Variants in HIVEP1 observed in about 807,000 individuals in gnomAD.
HIVEP1 encodes the protein zinc finger protein 40.
Under a neutral mutation model 180.0 loss-of-function variants are expected in HIVEP1, and 36 were observed. The ratio of observed to expected loss-of-function variants is 0.20; its 90% confidence interval spans 0.15 to 0.26. HIVEP1 has a LOEUF of 0.26. Among genes scored for constraint, HIVEP1 ranks in the 10% least tolerant of loss-of-function variants. The probability of loss-of-function intolerance (pLI) is 1.00; values close to 1 mark genes in which losing one functional copy is unlikely to be tolerated. For synonymous variants in HIVEP1, 1,239 were observed against 1,239.0 expected (o/e 1.00, Z 0.00); for missense variants, 3,143 against 3,268.7 (o/e 0.96, Z 0.94).
At chr6:12,067,405 AG>A (rs1408216047) in intron 2 of HIVEP1, among the ~76,000 whole-genome samples, 1 of 152,214 alleles carries the variant, frequency 6.6e-6, no homozygotes, top group Non-Finnish European at 1.5e-5. Flanking sequence ...AATTCTTTAA[AG>A]GAAGTTGACT....
rs368781611 is a variant in HIVEP1, at chr6:12,120,852, G to T, written c.1057G>T (p.Asp353Tyr). 85 of 1,614,080 alleles carry T rather than the reference G, an allele frequency of 5.3e-5. No individual in the cohort carries two copies. Among genetic ancestry groups the T allele is most frequent in the Admixed American group, 4.0e-4 (24 of 60,014 alleles). Residue 353 changes from aspartate (D) to tyrosine (Y), a missense_variant, in exon 4 of 9, where the codon GAT (aspartate) becomes TAT (tyrosine). Physicochemically the swap from Asp to Tyr is radical, Grantham distance 160 (BLOSUM62 -3). Coordinates refer to ENST00000379388, the MANE Select transcript of HIVEP1 (RefSeq NM_002114.4). ...SQVTPQNQQM[D>Y]SASPLSISPA... is the part of the protein sequence containing the mutation. ...GGTTACTCCTCAAAACCAGCAAATGGATTCTGCTTCACCTTTGTCAATAAG... is the reference window on the plus strand; with the variant it reads ...GGTTACTCCTCAAAACCAGCAAATGTATTCTGCTTCACCTTTGTCAATAAG...
chr6:12,162,221 TTAAAA>T (rs1430023629), intron 8 of HIVEP1, among the ~76,000 whole-genome samples: 1 of 30,980 alleles, frequency 3.2e-5, no homozygotes, highest in Non-Finnish European at 7.3e-5. Flanking sequence ...ATTTTTGAAA[TTAAAA>T]AAAAAAAAAA....
intron 3 of HIVEP1, among the ~76,000 whole-genome samples, chr6:12,117,369 T>C (rs1431133967): frequency 1.3e-5 from 2 of 152,192 alleles, no homozygotes; most frequent in African/African-American, 2.4e-5. Flanking sequence ...AAACGTGTAG[T>C]TCAAAAGTTC....
chr6:12,124,144 C>T lies in HIVEP1; in HGVS notation c.4349C>T (p.Ser1450Phe), dbSNP rs1285947525. ...CATCTGTCTCCTGTACACCCAACAT[C>T]TTTCCAAAATACTGCTCTTCCCAGT... is the stretch of plus-strand genomic sequence containing the variant. ...DSHLSPVHPT[S>F]FQNTALPSVN... The change falls in exon 4 of 9, where the codon TCT becomes TTT. Residue 1450 changes from serine (S) to phenylalanine (F), a missense_variant. Physicochemically the swap from Ser to Phe is radical, Grantham distance 155. Coordinates refer to ENST00000379388, the MANE Select transcript of HIVEP1 (RefSeq NM_002114.4). The T allele has an allele frequency of 1.9e-6, 3 of 1,614,018 alleles. No homozygotes were observed. The highest frequency in any genetic ancestry group is 2.5e-6 in the Non-Finnish European group (3 of 1,180,030).
At chr6:12,011,930 T>G, upstream of HIVEP1, 1 of 40,712 alleles carries the variant, frequency 2.5e-5, no homozygotes, top group African/African-American at 9.2e-5. Context: ...GGGGATCCCC[T>G]GCCGCCCCGC....
intron 3 of HIVEP1, among the ~76,000 whole-genome samples, chr6:12,118,398 T>G (rs190552126): frequency 8.5e-5 from 13 of 152,260 alleles, no homozygotes; most frequent in Admixed American, 8.5e-4. Flanking sequence ...TAGAGTAATA[T>G]ACGATTGAAT....
chr6:12,168,972 C>A (rs951128626), downstream of HIVEP1, among the ~76,000 whole-genome samples: 8 of 141,100 alleles, frequency 5.7e-5, no homozygotes, highest in African/African-American at 2.0e-4. Flanking sequence ...AGTGCAACCT[C>A]TGCCTCCCAG....
the HIVEP1 span, among the ~76,000 whole-genome samples, chr6:12,205,466 A>G: frequency 3.2e-4 from 48 of 150,350 alleles, no homozygotes; most frequent in Middle Eastern, 3.4e-3. Flanking sequence ...GCAAGACTCC[A>G]TCTCAAAAAA....
At chr6:12,137,022 G>T (rs1482233540) in intron 7 of HIVEP1, among the ~76,000 whole-genome samples, 8 of 152,182 alleles carry the variant, frequency 5.3e-5, no homozygotes, top group Non-Finnish European at 1.5e-5. Flanking sequence ...GGACATCATT[G>T]AATATATAGG....
At chr6:12,027,870 T>C (rs1768688113) in intron 2 of HIVEP1, among the ~76,000 whole-genome samples, 1 of 152,278 alleles carries the variant, frequency 6.6e-6, no homozygotes, top group East Asian at 1.9e-4. Context: ...ACACTTTCTG[T>C]AATATCCTAA....
At chr6:12,175,094 G>A in the HIVEP1 span, among the ~76,000 whole-genome samples, 1 of 152,126 alleles carries the variant, frequency 6.6e-6, no homozygotes, top group Non-Finnish European at 1.5e-5. Context: ...GTGGGCAAGA[G>A]AGAACAGATT....
chr6:12,075,291 G>T (rs574146306), intron 2 of HIVEP1, among the ~76,000 whole-genome samples: 1 of 152,158 alleles, frequency 6.6e-6, no homozygotes, highest in Non-Finnish European at 1.5e-5. Context: ...CAATCCCCTC[G>T]AAAGGAATGA....
intron 7 of HIVEP1, among the ~76,000 whole-genome samples, chr6:12,156,286 T>A (rs1397857417): frequency 6.6e-6 from 1 of 152,054 alleles, no homozygotes. Flanking sequence ...CCTTTTGGTG[T>A]TTTCGTCATA....
At chr6:12,084,495 A>C (rs1168700923) in intron 2 of HIVEP1, among the ~76,000 whole-genome samples, 1 of 152,184 alleles carries the variant, frequency 6.6e-6, no homozygotes, top group African/African-American at 2.4e-5. Context: ...GAGCATGTAT[A>C]AATGGCTGTG....
intron 2 of HIVEP1, among the ~76,000 whole-genome samples, chr6:12,080,271 T>C (rs552581001): frequency 6.6e-6 from 1 of 152,070 alleles, no homozygotes; most frequent in African/African-American, 2.4e-5. Flanking sequence ...ACTTTGGGAG[T>C]TTGCTTTTAT....
chr6:12,161,224 C>A (rs1036836554), intron 7 of HIVEP1, among the ~76,000 whole-genome samples: 3 of 152,306 alleles, frequency 2.0e-5, no homozygotes, highest in Admixed American at 6.5e-5. Context: ...TCCCTGACCC[C>A]GGCCCCTCCC....
At chr6:12,102,141 A>G (rs931570078) in intron 3 of HIVEP1, among the ~76,000 whole-genome samples, 1 of 152,170 alleles carries the variant, frequency 6.6e-6, no homozygotes, top group Non-Finnish European at 1.5e-5. Flanking sequence ...AGACAATTCA[A>G]CAATAACAGT....
At chr6:12,180,027 C>G in the HIVEP1 span, among the ~76,000 whole-genome samples, 9 of 152,132 alleles carry the variant, frequency 5.9e-5, no homozygotes, top group African/African-American at 2.2e-4. Flanking sequence ...AATATGCACT[C>G]AAGATATTGA....
At chr6:12,029,470 G>A (rs1364375140) in intron 2 of HIVEP1, among the ~76,000 whole-genome samples, 1 of 152,066 alleles carries the variant, frequency 6.6e-6, no homozygotes, top group Non-Finnish European at 1.5e-5. Context: ...CTGTGATTTT[G>A]CCTTTTCTGT....
Sources: allele counts gnomAD v4.1 joint callset (sites outside exome capture counted in the v4.1 genomes callset), GRCh38; gene constraint gnomAD v4.1.1; transcripts MANE v1.5; gene names NCBI Gene and HGNC (gene_info 2026-07-23, HGNC 2026-07-21).